The following THSD4 variants were observed in gnomAD, a reference collection of about 807,000 sequenced individuals.
The protein encoded by THSD4 is thrombospondin type-1 domain-containing protein 4.
In THSD4, 69 loss-of-function variants were observed where a neutral mutation model predicts 119.0. The observed-to-expected ratio is 0.58, with a 90% CI of 0.48 to 0.71. THSD4 has a LOEUF of 0.71. Ranked by LOEUF, THSD4 falls within the 30% of genes least tolerant of loss-of-function variation. THSD4 has a pLI of 0.00. For synonymous variants in THSD4, 524 were observed against 540.4 expected, an observed-to-expected ratio of 0.97 and a Z score of 0.42; for missense variants, 1,393 against 1,391.1, an observed-to-expected ratio of 1.00 and a Z score of -0.02.
chr15:71,319,046 TCTC>T (rs1233028628), intron 6 of THSD4, among the ~76,000 whole-genome samples: 1 of 152,182 alleles, frequency 6.6e-6, no homozygotes, highest in Non-Finnish European at 1.5e-5. Flanking sequence ...TAGAACCAGA[TCTC>T]CTGGAAGTAA....
At chr15:71,737,577 A>G (rs1450022386) in intron 10 of THSD4, among the ~76,000 whole-genome samples, 155 bp from the exon 11 acceptor site, 1 of 152,238 alleles carries the variant, frequency 6.6e-6, no homozygotes, top group Non-Finnish European at 1.5e-5. Context: ...GGAAAGCACT[A>G]GTAGGTGTCT....
At chr15:71,706,940 G>A (rs1281822143) in intron 8 of THSD4, among the ~76,000 whole-genome samples, 1 of 152,170 alleles carries the variant, frequency 6.6e-6, no homozygotes, top group Admixed American at 6.5e-5. Context: ...CCTGGAGGAT[G>A]GAGAGGAGTT....
At chr15:71,749,475 A>T (rs2053403179) in intron 14 of THSD4, among the ~76,000 whole-genome samples, 1 of 152,022 alleles carries the variant, frequency 6.6e-6, no homozygotes, top group South Asian at 2.1e-4. Flanking sequence ...AGATCTAGGG[A>T]GTTTACCTGG....
At chr15:71,241,435 C>T (rs535238311) in intron 4 of THSD4, among the ~76,000 whole-genome samples, 1 of 152,164 alleles carries the variant, frequency 6.6e-6, no homozygotes, top group South Asian at 2.1e-4. Flanking sequence ...ATTGTATGGC[C>T]TCTAAGGCCC....
Position 71,714,702 on chromosome 15 carries a change from C to G in THSD4, c.1358-13847C>G, listed in dbSNP as rs186371884. Among the ~76,000 whole-genome samples, 1,179 of 151,486 alleles carry G rather than the reference C, an allele frequency of 7.8e-3. 54 individuals are homozygous for G. Among genetic ancestry groups the G allele is most frequent in the Admixed American group, 0.062 (941 of 15,258 alleles). On this transcript the variant is annotated intron_variant, in intron 8 of 17. Transcript: ENST00000261862. Reference sequence around the variant, plus strand: ...TCTCTCCTAAAAATATAAAATTAGCCGAGCGTGGTGACGCATGCCTGTAAT... The same window carrying G: ...TCTCTCCTAAAAATATAAAATTAGCGGAGCGTGGTGACGCATGCCTGTAAT...
chr15:71,143,176 G>C (rs2040621506), intron 2 of THSD4, among the ~76,000 whole-genome samples: 1 of 152,314 alleles, frequency 6.6e-6, no homozygotes, highest in South Asian at 2.1e-4. Flanking sequence ...TCTGAAGGCT[G>C]TATGATATTG....
intron 6 of THSD4, among the ~76,000 whole-genome samples, chr15:71,326,726 T>TATA (rs1491127315): frequency 2.5e-4 from 22 of 87,978 alleles, no homozygotes; most frequent in East Asian, 6.9e-4. Flanking sequence ...TATATATATA[T>TATA]TAGCTGGGTG....
At chr15:71,530,147 CCT>C (rs10557695) in intron 7 of THSD4, among the ~76,000 whole-genome samples, 5,545 of 142,442 alleles carry the variant, frequency 0.039, 334 homozygotes, top group African/African-American at 0.13. Flanking sequence ...ATGAAACACC[CCT>C]GTTAGAAATT....
chr15:71,313,751 G>A (rs537177263), intron 6 of THSD4, among the ~76,000 whole-genome samples: 3 of 152,142 alleles, frequency 2.0e-5, no homozygotes, highest in South Asian at 2.1e-4. Flanking sequence ...CAGAAGCAGC[G>A]GACCTCCTAG....
intron 1 of THSD4, among the ~76,000 whole-genome samples, chr15:71,124,146 T>C (rs889270518): frequency 1.3e-5 from 2 of 152,198 alleles, no homozygotes; most frequent in African/African-American, 4.8e-5. Flanking sequence ...GCATATTTTC[T>C]TGGAAAGGGC....
chr15:71,399,240 C>T (rs2046491656), intron 6 of THSD4, among the ~76,000 whole-genome samples: 1 of 152,082 alleles, frequency 6.6e-6, no homozygotes. Flanking sequence ...CTTGTGTGAG[C>T]CTTAGGTTCC....
chr15:71,363,385 T>C (rs2045918961), intron 6 of THSD4, among the ~76,000 whole-genome samples: 1 of 152,192 alleles, frequency 6.6e-6, no homozygotes, highest in Non-Finnish European at 1.5e-5. Flanking sequence ...TTTCTCACCT[T>C]CTCAACTTTC....
chr15:71,497,061 C>T (rs1174873781), intron 7 of THSD4, among the ~76,000 whole-genome samples: 1 of 152,188 alleles, frequency 6.6e-6, no homozygotes, highest in Non-Finnish European at 1.5e-5. Flanking sequence ...GCATTCCAAC[C>T]ACCAAAGAGT....
chr15:71,489,106 A>G (rs1314700085), intron 7 of THSD4, among the ~76,000 whole-genome samples: 1 of 152,218 alleles, frequency 6.6e-6, no homozygotes, highest in Non-Finnish European at 1.5e-5. Flanking sequence ...GCTCATAGGA[A>G]CAATATTCTC....
At chr15:71,409,030 G>T (rs1199781551) in intron 6 of THSD4, among the ~76,000 whole-genome samples, 1 of 152,128 alleles carries the variant, frequency 6.6e-6, no homozygotes, top group Non-Finnish European at 1.5e-5. Context: ...ATCGGAGAAG[G>T]TGGACCCAGT....
At chr15:71,145,951 T>C (rs2040656622) in intron 2 of THSD4, among the ~76,000 whole-genome samples, 1 of 152,174 alleles carries the variant, frequency 6.6e-6, no homozygotes, top group Non-Finnish European at 1.5e-5. Context: ...ATGGTATTAA[T>C]AAGGCAGGCC....
At chr15:71,738,348 C>A (rs1447493708) in intron 11 of THSD4, 8 of 236,536 alleles carry the variant, frequency 3.4e-5, no homozygotes, top group Non-Finnish European at 5.8e-5. Context: ...TCCTAACAGG[C>A]CATGGACTGG....
chr15:71,416,412 G>T (rs1262831163), intron 7 of THSD4, among the ~76,000 whole-genome samples: 1 of 107,790 alleles, frequency 9.3e-6, no homozygotes, highest in East Asian at 3.1e-4. Context: ...CCTCCAAACT[G>T]TTCTCTATAG....
chr15:71,448,153 A>G (rs942728937), intron 7 of THSD4, among the ~76,000 whole-genome samples: 4 of 152,216 alleles, frequency 2.6e-5, no homozygotes, highest in Non-Finnish European at 5.9e-5. Flanking sequence ...GCTTGAAACA[A>G]TAGCAGCCAT....
Sources: gnomAD v4.1 joint callset for allele counts (sites outside exome capture counted in the v4.1 genomes callset) on GRCh38, gnomAD v4.1.1 for gene constraint, MANE v1.5 for transcripts, NCBI Gene and HGNC (gene_info 2026-07-23, HGNC 2026-07-21) for gene names.